Variants in SRRM3 observed in about 807,000 individuals in gnomAD.
The protein encoded by SRRM3 is serine/arginine repetitive matrix protein 3.
A neutral mutation model predicts 66.2 loss-of-function variants in SRRM3; 27 were observed. The ratio of observed to expected loss-of-function variants is 0.41; its 90% CI spans 0.30 to 0.56. SRRM3 has a LOEUF of 0.56. SRRM3 is among the 20% of genes least tolerant of loss of function. SRRM3 has a pLI of 0.32. For missense variants in SRRM3, 918 were observed against 991.9 expected, an observed-to-expected ratio of 0.93 and a Z score of 1.00; for synonymous variants, 391 against 414.9, an observed-to-expected ratio of 0.94 and a Z score of 0.70.
chr7:76,213,767 T>TTTTG (rs1199417684), intron 1 of SRRM3, among the ~76,000 whole-genome samples: 6 of 151,804 alleles, frequency 4.0e-5, no homozygotes, highest in Admixed American at 2.0e-4. Flanking sequence ...TTTTTGGTTT[T>TTTTG]TTTGTTTGTT....
chr7:76,247,330 C>A (rs1801466153), intron 2 of SRRM3, among the ~76,000 whole-genome samples: 1 of 152,086 alleles, frequency 6.6e-6, no homozygotes. Context: ...AATGAAACTA[C>A]CCCTTGCCCC....
intron 1 of SRRM3, among the ~76,000 whole-genome samples, chr7:76,212,050 C>T (rs897762176): frequency 2.0e-5 from 3 of 151,066 alleles, no homozygotes; most frequent in Non-Finnish European, 2.9e-5. Flanking sequence ...CTACAAAACT[C>T]AGCCTGTTGC....
chr7:76,267,222 G>A (rs1554609853), intron 10 of SRRM3, 36 bp from the exon 11 acceptor site: 4 of 1,482,286 alleles, frequency 2.7e-6, no homozygotes, highest in South Asian at 1.3e-5. Context: ...GGTGTCCCAC[G>A]CCGACTCCCC....
At chr7:76,275,677 C>T (rs570361922) in intron 11 of SRRM3, among the ~76,000 whole-genome samples, 2 of 152,156 alleles carry the variant, frequency 1.3e-5, no homozygotes, top group Admixed American at 6.5e-5. Flanking sequence ...AGTAAAACAT[C>T]TCAGGTGTTT....
chr7:76,248,389 G>A, intron 3 of SRRM3, 100 bp downstream of exon 3: 1 of 786,368 alleles, frequency 1.3e-6, no homozygotes, highest in East Asian at 2.6e-5. Flanking sequence ...TCTGGTTGGG[G>A]CTCAGGTGAG....
At chr7:76,266,272 AAT>A (rs1802039070) in intron 10 of SRRM3, among the ~76,000 whole-genome samples, 1 of 116,270 alleles carries the variant, frequency 8.6e-6, no homozygotes, top group African/African-American at 3.7e-5. Context: ...ATTTATATTT[AAT>A]TATATTATAT....
intron 1 of SRRM3, among the ~76,000 whole-genome samples, chr7:76,225,652 C>T (rs142798762): frequency 2.0e-5 from 3 of 152,048 alleles, no homozygotes; most frequent in Admixed American, 6.6e-5. Flanking sequence ...GAAGCCAAGG[C>T]GGGGGATCAC....
chr7:76,234,839 A>C lies in SRRM3; in HGVS notation c.-39-189A>C, dbSNP rs1305127216. 17 of 544,508 alleles carry C rather than the reference A, an allele frequency of 3.1e-5. No individual in the cohort carries two copies. The East Asian group carries it at 5.6e-4, about 18-fold the overall frequency. 33.7% of individuals were successfully genotyped at this position (544,508 alleles called of 1,614,324 possible). A position where few individuals can be genotyped will look rare whatever the true frequency, so the allele number is the denominator to read the frequency against. ...TACAGATGGAAAAAGCCCAGTGTCC[A>C]ACCCACTCGTGCCCTGAGGTGTGAC... On this transcript the variant is annotated intron_variant, in intron 1 of 14. Transcript: ENST00000611745.
At chr7:76,280,710 G>C (rs1361035112) in intron 11 of SRRM3, among the ~76,000 whole-genome samples, 3 of 151,898 alleles carry the variant, frequency 2.0e-5, no homozygotes, top group Admixed American at 6.6e-5. Flanking sequence ...GATGCTCCGG[G>C]ACTGGCAGCC....
At chr7:76,266,698 A>C (rs1802067124) in intron 10 of SRRM3, among the ~76,000 whole-genome samples, 1 of 141,286 alleles carries the variant, frequency 7.1e-6, no homozygotes, top group Non-Finnish European at 1.5e-5. Flanking sequence ...TTTTGAGACG[A>C]GTATTGCTGT....
intron 2 of SRRM3, among the ~76,000 whole-genome samples, chr7:76,240,630 A>C (rs1229238027): frequency 5.9e-5 from 9 of 151,996 alleles, no homozygotes; most frequent in East Asian, 1.9e-4. Flanking sequence ...AAAAAAAAAA[A>C]AAAAAAACAT....
chr7:76,266,070 G>A (rs1164525625), intron 10 of SRRM3, among the ~76,000 whole-genome samples: 2 of 79,046 alleles, frequency 2.5e-5, no homozygotes, highest in Non-Finnish European at 3.9e-5. Context: ...GGGTTTCACC[G>A]TTTTAGCCGG....
rs543189391 is a variant in SRRM3 at position 76,208,796 on chromosome 7, C to A, written c.-40+6729C>A. On this transcript the variant is annotated intron_variant, in intron 1 of 14. Coordinates refer to ENST00000611745, the MANE Select transcript of SRRM3 (RefSeq NM_001110199.3). The stretch of plus-strand genomic sequence containing the variant: ...ATTGCAGTGAGCTGAGATCACGCCA[C>A]TGCACTCCAGCCTGAGTGAGTGTAG... Among the ~76,000 whole-genome samples the A allele has an allele frequency of 7.8e-4, 113 of 145,704 alleles. 1 individual carries two copies. Among genetic ancestry groups the A allele is most frequent in the Non-Finnish European group, 1.5e-3 (98 of 66,924 alleles).
At chr7:76,276,998 G>A (rs541730681) in intron 11 of SRRM3, among the ~76,000 whole-genome samples, 6 of 152,206 alleles carry the variant, frequency 3.9e-5, no homozygotes, top group African/African-American at 2.4e-5. Flanking sequence ...GCTCCCCACC[G>A]TCAGGTGACT....
intron 11 of SRRM3, among the ~76,000 whole-genome samples, chr7:76,274,967 A>C (rs1421095869): frequency 1.3e-5 from 2 of 152,066 alleles, no homozygotes; most frequent in Non-Finnish European, 2.9e-5. Context: ...TTAGCCGGGC[A>C]TGGTGTTACA....
chr7:76,283,419 A>G (rs1802582968), intron 14 of SRRM3: 1 of 512,162 alleles, frequency 2.0e-6, no homozygotes, highest in Admixed American at 2.6e-5. Flanking sequence ...CGCAGCCGGC[A>G]TGGAATTCAG....
chr7:76,281,868 G>A (rs1802521647), intron 12 of SRRM3, 66 bp downstream of exon 12: 3 of 1,033,860 alleles, frequency 2.9e-6, no homozygotes, highest in South Asian at 6.6e-5. Context: ...CTCCACTAGC[G>A]GATCCCTGCC....
chr7:76,285,833 G>A lies in SRRM3; in HGVS notation c.1952G>A (p.Gly651Glu). Residue 651 changes from glycine (G) to glutamate (E), a missense_variant, in exon 15 of 15, where the codon GGG becomes GAG. Coordinates refer to ENST00000611745, the MANE Select transcript of SRRM3 (RefSeq NM_001110199.3). This position sits in a 1 kb window ranked among gnomAD's most constrained non-coding sequence, Gnocchi z 4.1. ...CACAGCCGGAGCAGCTCTGAGAGCG[G>A]GGGCTTCTGAGCCCAGACAGACTCA... is the stretch of plus-strand genomic sequence containing the variant. ...SYHSRSSSES[G>E]GF 6.5e-7 allele frequency: 1 copy of A among 1,549,532 alleles called. No homozygotes were observed. Among genetic ancestry groups the A allele is most frequent in the Non-Finnish European group, 8.7e-7 (1 of 1,146,304 alleles).
intron 3 of SRRM3, among the ~76,000 whole-genome samples, chr7:76,251,535 C>T (rs1472373312): frequency 2.0e-5 from 3 of 152,126 alleles, no homozygotes; most frequent in Non-Finnish European, 2.9e-5. Flanking sequence ...CTGCCACGCC[C>T]GGCTAATTTT....
Sources: allele counts gnomAD v4.1 joint callset (sites outside exome capture counted in the v4.1 genomes callset), GRCh38; gene constraint gnomAD v4.1.1; non-coding constraint Gnocchi (gnomAD v3.1); transcripts MANE v1.5; gene names NCBI Gene and HGNC (gene_info 2026-07-23, HGNC 2026-07-21).